Variants in FSTL4 observed in about 807,000 individuals in gnomAD.
The protein encoded by FSTL4 is follistatin like 4.
Under a neutral mutation model 78.2 loss-of-function variants are expected in FSTL4, and 28 were observed. The ratio of observed to expected loss-of-function variants is 0.36; its 90% CI spans 0.27 to 0.49. FSTL4 has a LOEUF of 0.49. Among genes scored for constraint, FSTL4 ranks in the 20% least tolerant of loss-of-function variants. The probability of loss-of-function intolerance (pLI) is 0.98; values close to 1 mark genes in which losing one functional copy is unlikely to be tolerated. For missense variants in FSTL4, 922 were observed against 1,084.9 expected (o/e 0.85, Z 2.11); for synonymous variants, 422 against 440.5 (o/e 0.96, Z 0.53).
At chr5:133,530,548 C>T (rs1007245846) in intron 3 of FSTL4, among the ~76,000 whole-genome samples, 1 of 152,196 alleles carries the variant, frequency 6.6e-6, no homozygotes, top group Non-Finnish European at 1.5e-5. Flanking sequence ...CTAGTTTCTG[C>T]CTTCAAGGAG....
chr5:133,632,964 A>G, the FSTL4 span, among the ~76,000 whole-genome samples: 3 of 152,330 alleles, frequency 2.0e-5, no homozygotes, highest in African/African-American at 7.2e-5. Flanking sequence ...CTGGAATTAC[A>G]GATGTGTACC....
chr5:133,689,402 A>C, the FSTL4 span, among the ~76,000 whole-genome samples: 1 of 152,242 alleles, frequency 6.6e-6, no homozygotes, highest in Non-Finnish European at 1.5e-5. Context: ...GGCAATCTAC[A>C]GTGCCAAGCA....
chr5:133,788,630 G>A, the FSTL4 span, among the ~76,000 whole-genome samples: 10 of 152,168 alleles, frequency 6.6e-5, no homozygotes, highest in African/African-American at 1.9e-4. Context: ...GCTCTCTCTC[G>A]CGGCAAACAC....
At chr5:133,697,274 T>G in the FSTL4 span, among the ~76,000 whole-genome samples, 1 of 152,114 alleles carries the variant, frequency 6.6e-6, no homozygotes, top group Admixed American at 6.5e-5. Context: ...TCGGTGGGGC[T>G]ACAGCCAGGA....
intron 3 of FSTL4, among the ~76,000 whole-genome samples, chr5:133,514,052 G>A (rs1048343577): frequency 5.9e-5 from 9 of 151,964 alleles, no homozygotes; most frequent in South Asian, 2.1e-4. Flanking sequence ...AGTGGTGGGC[G>A]CCTGTAGTCC....
In FSTL4 at chr5:133,336,686, C is replaced by A. The variant is rs147904401; in HGVS notation, c.410-20034G>T. ...CATCCTCCTGCCCACTCCATCTAAA[C>A]AACCCTACAGCCAGTTCTGTCCCAT... On this transcript the variant is annotated intron_variant, in intron 4 of 15. Transcript: ENST00000265342. 1.4e-3 allele frequency among the ~76,000 whole-genome samples: 206 copies of A among 152,308 alleles called. 1 individual carries two copies. The highest frequency in any genetic ancestry group is 2.2e-3 in the Non-Finnish European group (153 of 68,030).
intron 3 of FSTL4, among the ~76,000 whole-genome samples, chr5:133,405,828 TG>T (rs1561705301): frequency 6.6e-6 from 1 of 152,226 alleles, no homozygotes; most frequent in Non-Finnish European, 1.5e-5. Context: ...TCCAGTCCCG[TG>T]CCATGTCTAC....
chr5:133,425,241 C>T (rs1756787933), intron 3 of FSTL4, among the ~76,000 whole-genome samples: 1 of 151,894 alleles, frequency 6.6e-6, no homozygotes, highest in African/African-American at 2.4e-5. Context: ...AAAAAAGGTA[C>T]CTTAGCTAAG....
At chr5:133,385,923 A>G (rs1217169482) in intron 4 of FSTL4, among the ~76,000 whole-genome samples, 1 of 152,170 alleles carries the variant, frequency 6.6e-6, no homozygotes, top group Non-Finnish European at 1.5e-5. Flanking sequence ...GATAATCACT[A>G]TGTGTGTGTG....
rs375366325 is a variant in FSTL4 at position 133,536,287 on chromosome 5, CATTT to C, written c.160+30895_160+30898del. 4.7e-3 allele frequency among the ~76,000 whole-genome samples: 713 copies of C among 152,262 alleles called. 5 individuals carry two copies. The highest frequency in any genetic ancestry group is 0.016 in the African/African-American group (675 of 41,562). On this transcript the variant is annotated intron_variant, in intron 3 of 15. Coordinates refer to ENST00000265342, the MANE Select transcript of FSTL4 (RefSeq NM_015082.2). ...AGTCTATATTCTTCCATATTTATCT[CATTT>C]ATTTATTTATTCAGATTAGAAACTG... is the stretch of plus-strand genomic sequence containing the variant.
intron 3 of FSTL4, among the ~76,000 whole-genome samples, chr5:133,515,688 TA>T (rs72311535): frequency 0.14 from 20,536 of 147,812 alleles, 1,961 homozygotes; most frequent in African/African-American, 0.28. Flanking sequence ...TTTTTTTTTT[TA>T]AAAAAAAGCA....
At chr5:133,651,380 T>A in the FSTL4 span, among the ~76,000 whole-genome samples, 1 of 152,288 alleles carries the variant, frequency 6.6e-6, no homozygotes, top group South Asian at 2.1e-4. Context: ...TTTTTGTGGA[T>A]ATTCTTTATC....
At chr5:133,552,460 G>A (rs781073076) in intron 3 of FSTL4, among the ~76,000 whole-genome samples, 3 of 152,188 alleles carry the variant, frequency 2.0e-5, no homozygotes, top group Non-Finnish European at 2.9e-5. Context: ...ATGAGGTCAT[G>A]TGGGCCCAGG....
Position 133,611,996 on chromosome 5 carries a change from G to A in FSTL4, c.-11+329C>T, listed in dbSNP as rs1486850014. Among the ~76,000 whole-genome samples the A allele has an allele frequency of 5.3e-5, 8 of 152,008 alleles. No homozygotes were observed. Among genetic ancestry groups the A allele is most frequent in the African/African-American group, 1.2e-4 (5 of 41,420 alleles). On this transcript the variant is annotated intron_variant, in intron 1 of 15. Transcript: ENST00000265342. This position sits in a 1 kb window ranked among gnomAD's most constrained non-coding sequence, Gnocchi z 4.9. ...CGCGAGCTGCGGGCTCGGCCCGAGC[G>A]CTTCTGCGTGGCGCCCCGCGTGCCA...
At chr5:133,201,672 G>T (rs548486429) in intron 15 of FSTL4, among the ~76,000 whole-genome samples, 2 of 152,266 alleles carry the variant, frequency 1.3e-5, no homozygotes, top group African/African-American at 4.8e-5. Context: ...TTAAGGATGG[G>T]ACTTCCTGAC....
chr5:133,722,238 A>T, the FSTL4 span, among the ~76,000 whole-genome samples: 1 of 152,064 alleles, frequency 6.6e-6, no homozygotes, highest in Non-Finnish European at 1.5e-5. Context: ...AGTGAACTGC[A>T]TATGTGAGGG....
the FSTL4 span, among the ~76,000 whole-genome samples, chr5:133,663,897 G>A: frequency 1.1e-4 from 17 of 152,344 alleles, no homozygotes; most frequent in East Asian, 3.3e-3. Context: ...GAATCTTCCA[G>A]TGCTTCTGTG....
chr5:133,336,890 C>A (rs1401536982), intron 4 of FSTL4, among the ~76,000 whole-genome samples: 6 of 152,176 alleles, frequency 3.9e-5, no homozygotes, highest in South Asian at 2.1e-4. Context: ...ACACTGTGTA[C>A]CCCGGGGCAG....
intron 3 of FSTL4, among the ~76,000 whole-genome samples, chr5:133,433,788 G>T (rs1756985689): frequency 6.6e-6 from 1 of 152,152 alleles, no homozygotes; most frequent in Non-Finnish European, 1.5e-5. Context: ...AAGAGCTGGG[G>T]GAAGCACGGC....
Sources: gnomAD v4.1 joint callset for allele counts (sites outside exome capture counted in the v4.1 genomes callset) on GRCh38, gnomAD v4.1.1 for gene constraint, Gnocchi (gnomAD v3.1) non-coding constraint, MANE v1.5 for transcripts, NCBI Gene and HGNC (gene_info 2026-07-23, HGNC 2026-07-21) for gene names.